The following PHF8 variants were observed in gnomAD, a reference collection of about 807,000 sequenced individuals.
The protein encoded by PHF8 is PHD finger protein 8, also known as histone lysine demethylase PHF8.
A neutral mutation model predicts 74.4 loss-of-function variants in PHF8; 9 were observed. That is an observed-to-expected ratio of 0.12 (90% confidence interval 0.07 to 0.21). PHF8 has a LOEUF of 0.21. Among genes scored for constraint, PHF8 ranks in the 10% least tolerant of loss-of-function variants. PHF8 has a pLI of 1.00. For missense variants in PHF8, 478 were observed against 816.6 expected (o/e 0.59, Z 5.05); for synonymous variants, 311 against 316.6 (o/e 0.98, Z 0.19).
chrX:54,021,500 GCT>G (rs1281259154), intron 4 of PHF8, among the ~76,000 whole-genome samples: 1 of 74,203 alleles, frequency 1.3e-5, no homozygotes, highest in Non-Finnish European at 2.3e-5. Context: ...ACGGAGTCTC[GCT>G]CTGTCGCCCA....
chrX:53,966,376 C>T (rs931709051), intron 18 of PHF8, among the ~76,000 whole-genome samples: 7 of 112,327 alleles, frequency 6.2e-5, no homozygotes, highest in Admixed American at 9.4e-5. Flanking sequence ...CGACTGCAGG[C>T]GCGTGCCGCC....
chrX:54,017,181 G>A (rs1359822198), intron 5 of PHF8, among the ~76,000 whole-genome samples: 2 of 113,169 alleles, frequency 1.8e-5, no homozygotes, highest in Non-Finnish European at 3.7e-5. Flanking sequence ...TGGGCGTGGT[G>A]GCTCACGCCT....
chrX:54,048,084 G>C (rs781981905), upstream of PHF8, among the ~76,000 whole-genome samples: 1 of 110,613 alleles, frequency 9.0e-6, no homozygotes, highest in Admixed American at 9.6e-5. Flanking sequence ...AGCTACTCAG[G>C]AGGCTGAGGC....
rs782726891 is a variant in PHF8, at chrX:54,034,121, T to C, written c.98+8510A>G. 1.7e-3 allele frequency among the ~76,000 whole-genome samples: 193 copies of C among 110,436 alleles called. 1 individual carries two copies. The highest frequency in any genetic ancestry group is 6.2e-3 in the African/African-American group (188 of 30,362). The stretch of plus-strand genomic sequence containing the variant: ...AATCAGTAAGTTGAAGATAGAACAA[T>C]AGAAATTATCCAATCTGAACAACAG... On this transcript the variant is annotated intron_variant, in intron 2 of 21. Transcript: ENST00000338154.
chrX:53,999,731 A>G, intron 11 of PHF8, 139 bp downstream of exon 11: 1 of 463,028 alleles, frequency 2.2e-6, no homozygotes, highest in Non-Finnish European at 3.9e-6. Context: ...AATCAAAGGA[A>G]TCCTAGCCCA....
chrX:53,939,688 C>T (rs1268857059), intron 21 of PHF8, among the ~76,000 whole-genome samples: 1 of 111,106 alleles, frequency 9.0e-6, no homozygotes, highest in African/African-American at 3.3e-5. Flanking sequence ...CCTTCAACAT[C>T]ACACCAACCT....
At chrX:54,022,714 C>G in intron 3 of PHF8, 44 bp downstream of exon 3, 1 of 884,898 alleles carries the variant, frequency 1.1e-6, no homozygotes, top group Non-Finnish European at 1.7e-6. Context: ...TCCTTTGTCT[C>G]TCCTCTGGAT....
intron 20 of PHF8, among the ~76,000 whole-genome samples, chrX:53,943,723 A>G (rs1323149359): frequency 3.6e-5 from 4 of 112,083 alleles, no homozygotes; most frequent in Admixed American, 9.5e-5. Context: ...CATAAAGAGG[A>G]CAAGAAAAAT....
rs1557102044 is a variant in PHF8, at chrX:53,993,738, G to A, written c.1489C>T (p.Pro497Ser). 1.7e-6 allele frequency: 2 copies of A among 1,211,647 alleles called. No individual in the cohort carries two copies. Among genetic ancestry groups the A allele is most frequent in the African/African-American group, 3.5e-5 (2 of 57,951 alleles). The change falls in exon 13 of 22, where the codon CCC becomes TCC. Residue 497 changes from proline (P) to serine (S), a missense_variant. By Grantham distance (74) the Pro-to-Ser change is moderately conservative (BLOSUM62 -1). This residue lies in a region of PHF8 where 153 missense variants were observed against 164.8 expected (regional missense o/e 0.93). Transcript: ENST00000338154. Reference sequence around the variant, plus strand: ...TCTGCCTTCTTGAAGAGTTCCTTGGGCTTCAGGCCTTTCTTCTTTGAACCA... The same window carrying A: ...TCTGCCTTCTTGAAGAGTTCCTTGGACTTCAGGCCTTTCTTCTTTGAACCA... ...KNGSKKKGLK[P>S]KELFKKAERK...
chrX:53,959,983 C>T (rs1470491852), intron 19 of PHF8, among the ~76,000 whole-genome samples: 3 of 109,043 alleles, frequency 2.8e-5, no homozygotes, highest in Non-Finnish European at 3.8e-5. Context: ...TACCAGGAAA[C>T]GAAAACTATG....
intron 11 of PHF8, 169 bp downstream of exon 11, chrX:53,999,698 CAGA>C: frequency 6.9e-6 from 3 of 432,516 alleles, no homozygotes; most frequent in Non-Finnish European, 1.2e-5. Context: ...TTTTTATCAT[CAGA>C]AAGAAAGATT....
At chrX:53,968,688 C>A (rs782328045) in intron 18 of PHF8, among the ~76,000 whole-genome samples, 48 of 111,225 alleles carry the variant, frequency 4.3e-4, no homozygotes, top group Non-Finnish European at 8.9e-4. Context: ...GTGGGCAGAT[C>A]ACCTGAGGTC....
Position 54,017,748 on chromosome X carries a change from C to A in PHF8, c.367G>T (p.Val123Leu). ...TCCTTCTTCAGGACCAGGATGGGCACACTGAAGCTATTTTCTTCCAGGAAT... is the reference window on the plus strand; with the variant it reads ...TCCTTCTTCAGGACCAGGATGGGCAAACTGAAGCTATTTTCTTCCAGGAAT... ...VEFLEENSFS[V>L]PILVLKKDGL... The change falls in exon 5 of 22, where the codon GTG becomes TTG. Residue 123 changes from valine (V) to leucine (L), a missense_variant. Val to Leu is a conservative substitution (Grantham distance 32). This residue lies in a region of PHF8 where 70 missense variants were observed against 234.1 expected (regional missense o/e 0.30). Coordinates refer to ENST00000338154, the MANE Select transcript of PHF8 (RefSeq NM_015107.3). The A allele has an allele frequency of 1.7e-6, 2 of 1,206,496 alleles. No individual in the cohort carries two copies. Among genetic ancestry groups the A allele is most frequent in the Non-Finnish European group, 2.2e-6 (2 of 890,778 alleles).
intron 14 of PHF8, among the ~76,000 whole-genome samples, chrX:53,988,596 C>T (rs1004587642): frequency 9.4e-6 from 1 of 106,821 alleles, no homozygotes; most frequent in Non-Finnish European, 1.9e-5. Flanking sequence ...GTTTATCTGG[C>T]AAAGGATTTG....
chrX:53,941,331 C>G (rs1243775501), intron 20 of PHF8, among the ~76,000 whole-genome samples: 4 of 112,507 alleles, frequency 3.6e-5, no homozygotes, highest in South Asian at 7.3e-4. Context: ...ATAATGGCTT[C>G]ACTTCCTCTT....
chrX:54,041,607 C>G (rs986526581), intron 2 of PHF8, among the ~76,000 whole-genome samples: 7 of 111,152 alleles, frequency 6.3e-5, no homozygotes, highest in Non-Finnish European at 9.4e-5. Flanking sequence ...ACACACTAAC[C>G]TCTCCGGAAT....
At chrX:53,991,678 A>C (rs913595293) in intron 14 of PHF8, among the ~76,000 whole-genome samples, 20 of 106,129 alleles carry the variant, frequency 1.9e-4, no homozygotes, top group South Asian at 4.2e-4. Context: ...AAAAAAAAAA[A>C]AAAAAAACAA....
chrX:53,986,828 C>T (rs1240933461), intron 16 of PHF8, among the ~76,000 whole-genome samples: 3 of 110,944 alleles, frequency 2.7e-5, no homozygotes, highest in Admixed American at 9.7e-5. Flanking sequence ...GTGGTCCCAG[C>T]TACTAGAAGG....
chrX:53,964,541 C>T (rs2065150632), intron 18 of PHF8, among the ~76,000 whole-genome samples: 1 of 111,146 alleles, frequency 9.0e-6, no homozygotes, highest in South Asian at 3.8e-4. Context: ...TCCACTCTTA[C>T]AAAGTACCTA....
Sources: gnomAD v4.1 joint callset for allele counts (sites outside exome capture counted in the v4.1 genomes callset) on GRCh38, gnomAD v4.1.1 for gene constraint, gnomAD v4.1.1 regional missense constraint, MANE v1.5 for transcripts, NCBI Gene and HGNC (gene_info 2026-07-23, HGNC 2026-07-21) for gene names.